The following HMGCLL1 variants were observed in gnomAD, a reference collection of about 807,000 sequenced individuals.
HMGCLL1 encodes 3-hydroxymethyl-3-methylglutaryl-CoA lyase, cytoplasmic.
A neutral mutation model predicts 39.1 loss-of-function variants in HMGCLL1; 36 were observed. That is an observed-to-expected ratio of 0.92 (90% CI 0.71 to 1.22). HMGCLL1 has a LOEUF of 1.22. Ranked by LOEUF, HMGCLL1 falls within the 50% of genes most tolerant of loss-of-function variation. The pLI is 0.00. For synonymous variants in HMGCLL1, 149 were observed against 144.0 expected, an observed-to-expected ratio of 1.03 and a Z score of -0.25; for missense variants, 451 against 416.5, an observed-to-expected ratio of 1.08 and a Z score of -0.72.
At chr6:55,611,066 G>C in the HMGCLL1 span, among the ~76,000 whole-genome samples, 8 of 152,206 alleles carry the variant, frequency 5.3e-5, no homozygotes, top group Admixed American at 5.2e-4. Context: ...CAGTCTCTCA[G>C]ACCACAGTGT....
At position 55,547,326 on chromosome 6, in the gene HMGCLL1, G is replaced by A. The variant is rs146200870; in HGVS notation, c.109-5186C>T. ...AGAGTGTGTGTGGGTGTATGCCAGC[G>A]TGTGTATGCTTGTGTGTAGCACACA... On this transcript the variant is annotated intron_variant, in intron 1 of 8. Transcript: ENST00000274901. Among the ~76,000 whole-genome samples the A allele has an allele frequency of 4.3e-3, 647 of 152,092 alleles. 8 individuals are homozygous for A. The highest frequency in any genetic ancestry group is 0.013 in the African/African-American group (544 of 41,526).
chr6:55,628,334 C>T, the HMGCLL1 span, among the ~76,000 whole-genome samples: 37 of 147,338 alleles, frequency 2.5e-4, no homozygotes, highest in African/African-American at 2.8e-4. Flanking sequence ...CAGAGTCTTG[C>T]TCTGTCACCT....
chr6:55,458,605 C>A (rs1764428160), intron 7 of HMGCLL1, among the ~76,000 whole-genome samples: 1 of 152,104 alleles, frequency 6.6e-6, no homozygotes, highest in Non-Finnish European at 1.5e-5. Context: ...ATTAAGGAGA[C>A]CACTGTGCTT....
chr6:55,611,547 C>A, the HMGCLL1 span, among the ~76,000 whole-genome samples: 1 of 152,144 alleles, frequency 6.6e-6, no homozygotes, highest in Non-Finnish European at 1.5e-5. Flanking sequence ...CTGGTGAACA[C>A]TGATGCAAAA....
At chr6:55,488,284 T>G (rs2127418453) in intron 7 of HMGCLL1, among the ~76,000 whole-genome samples, 1 of 152,212 alleles carries the variant, frequency 6.6e-6, no homozygotes, top group Non-Finnish European at 1.5e-5. Context: ...TACATGATTC[T>G]TACAGTTAAT....
intron 7 of HMGCLL1, among the ~76,000 whole-genome samples, chr6:55,443,749 T>C (rs1414032514): frequency 1.3e-5 from 2 of 152,020 alleles, no homozygotes; most frequent in Non-Finnish European, 2.9e-5. Flanking sequence ...TATTTTATAC[T>C]TTCAGACTGA....
intron 7 of HMGCLL1, among the ~76,000 whole-genome samples, chr6:55,469,872 T>A (rs1416557869): frequency 2.0e-5 from 3 of 151,924 alleles, no homozygotes; most frequent in Non-Finnish European, 4.4e-5. Context: ...TTTATCATCA[T>A]GAAGTATAAA....
the HMGCLL1 span, among the ~76,000 whole-genome samples, chr6:55,631,541 C>G: frequency 6.6e-6 from 1 of 152,122 alleles, no homozygotes; most frequent in South Asian, 2.1e-4. Context: ...AAAGACAGTG[C>G]CCTGCTTTGG....
chr6:55,467,234 A>G lies in HMGCLL1; in HGVS notation c.796-27675T>C, dbSNP rs114080604. On this transcript the variant is annotated intron_variant, in intron 7 of 8. Transcript: ENST00000274901. ...GGTCTCACTTTAAGACACGTGTAAA[A>G]ACATTTATTCTATGTATTCCTACAC... Among the ~76,000 whole-genome samples, 409 of 152,232 alleles carry G rather than the reference A, an allele frequency of 2.7e-3. 1 individual carries two copies. Among genetic ancestry groups the G allele is most frequent in the African/African-American group, 9.3e-3 (387 of 41,558 alleles).
chr6:55,624,256 CAGAT>C, the HMGCLL1 span, among the ~76,000 whole-genome samples: 4 of 152,162 alleles, frequency 2.6e-5, no homozygotes, highest in African/African-American at 9.7e-5. Context: ...ATTCAGAAGA[CAGAT>C]AGATCTTGGA....
At chr6:55,477,592 CG>C (rs923732921) in intron 7 of HMGCLL1, among the ~76,000 whole-genome samples, 17 of 135,482 alleles carry the variant, frequency 1.3e-4, no homozygotes, top group East Asian at 2.1e-4. Flanking sequence ...TAAAAAGTAC[CG>C]GATGCCTAAA....
the HMGCLL1 span, among the ~76,000 whole-genome samples, chr6:55,627,856 G>A: frequency 1.1e-5 from 1 of 86,970 alleles, no homozygotes; most frequent in African/African-American, 4.4e-5. Flanking sequence ...TTGTGATCAT[G>A]TAAGTTAATA....
At chr6:55,532,859 T>C (rs1768770180) in intron 3 of HMGCLL1, among the ~76,000 whole-genome samples, 1 of 148,832 alleles carries the variant, frequency 6.7e-6, no homozygotes, top group Non-Finnish European at 1.5e-5. Flanking sequence ...AATAATAGTT[T>C]CCACCATCCC....
At chr6:55,510,850 T>C (rs946306730) in intron 5 of HMGCLL1, among the ~76,000 whole-genome samples, 9 of 151,224 alleles carry the variant, frequency 6.0e-5, no homozygotes, top group Non-Finnish European at 1.2e-4. Flanking sequence ...TTATAATTTC[T>C]ATTTATAATC....
chr6:55,577,983 A>G (rs73444699), intron 1 of HMGCLL1, among the ~76,000 whole-genome samples: 3,742 of 152,334 alleles, frequency 0.025, 74 homozygotes, highest in Middle Eastern at 0.092. Flanking sequence ...GCAATTTCAC[A>G]TATGATACAC....
At chr6:55,585,924 C>G in the HMGCLL1 span, among the ~76,000 whole-genome samples, 1 of 151,932 alleles carries the variant, frequency 6.6e-6, no homozygotes, top group Non-Finnish European at 1.5e-5. Context: ...TAAAAGAATG[C>G]AAAGCATATC....
chr6:55,518,571 A>G (rs1317304436), intron 3 of HMGCLL1, among the ~76,000 whole-genome samples: 4 of 152,150 alleles, frequency 2.6e-5, no homozygotes, highest in African/African-American at 9.7e-5. Flanking sequence ...GCCAGGTTAC[A>G]AAAAAGGATA....
At chr6:55,525,800 T>G in intron 3 of HMGCLL1, among the ~76,000 whole-genome samples, 1 of 152,112 alleles carries the variant, frequency 6.6e-6, no homozygotes, top group South Asian at 2.1e-4. Context: ...ATATGCATGG[T>G]TTAGAAAAGT....
intron 7 of HMGCLL1, among the ~76,000 whole-genome samples, chr6:55,463,254 A>C (rs980458016): frequency 4.0e-5 from 6 of 151,380 alleles, no homozygotes; most frequent in Non-Finnish European, 5.9e-5. Flanking sequence ...CTGGTCTCGA[A>C]CTCCTGACCT....
Sources: gnomAD v4.1 joint callset for allele counts (sites outside exome capture counted in the v4.1 genomes callset) on GRCh38, gnomAD v4.1.1 for gene constraint, MANE v1.5 for transcripts, NCBI Gene and HGNC (gene_info 2026-07-23, HGNC 2026-07-21) for gene names.